Variants in CBLB observed in about 807,000 individuals in gnomAD.
CBLB encodes the protein Cbl proto-oncogene B, also known as E3 ubiquitin-protein ligase CBL-B.
Under a neutral mutation model 104.9 loss-of-function variants are expected in CBLB, and 31 were observed. The observed-to-expected ratio is 0.30, with a 90% CI of 0.22 to 0.40. The LOEUF is 0.40. Among genes scored for constraint, CBLB ranks in the 10% least tolerant of loss-of-function variants. CBLB has a pLI of 1.00. For missense variants in CBLB, 1,062 were observed against 1,214.6 expected (o/e 0.87, Z 1.87); for synonymous variants, 440 against 422.6 (o/e 1.04, Z -0.51).
At chr3:105,816,499 A>T (rs2085076611) in intron 3 of CBLB, among the ~76,000 whole-genome samples, 1 of 152,200 alleles carries the variant, frequency 6.6e-6, no homozygotes. Context: ...CATTAACAGA[A>T]CTCTCATAAA....
intron 9 of CBLB, among the ~76,000 whole-genome samples, chr3:105,728,472 G>T (rs888771787): frequency 6.6e-5 from 10 of 152,140 alleles, no homozygotes; most frequent in Non-Finnish European, 1.0e-4. Flanking sequence ...CCTGAAATAA[G>T]CACAGAATGA....
chr3:105,793,380 T>C (rs1022749889), intron 3 of CBLB, among the ~76,000 whole-genome samples: 12 of 151,060 alleles, frequency 7.9e-5, no homozygotes, highest in African/African-American at 2.9e-4. Context: ...TCTGAAAAGC[T>C]GGGATGCAGG....
chr3:105,811,029 A>G (rs1478263638), intron 3 of CBLB, among the ~76,000 whole-genome samples: 3 of 152,188 alleles, frequency 2.0e-5, no homozygotes, highest in African/African-American at 7.2e-5. Flanking sequence ...ACTAGAAGAA[A>G]AGCATTAGCA....
chr3:105,800,615 A>T (rs757952965), intron 3 of CBLB, among the ~76,000 whole-genome samples: 6 of 152,176 alleles, frequency 3.9e-5, no homozygotes, highest in Non-Finnish European at 5.9e-5. Flanking sequence ...GTCTGGTTAC[A>T]AGCAGGTTGT....
rs765424819 is a variant in CBLB, at chr3:105,720,066, C to A, written c.1388G>T (p.Arg463Leu). 3 of 1,613,810 alleles carry A rather than the reference C, an allele frequency of 1.9e-6. No individual in the cohort carries two copies. The Admixed American group carries it at 5.0e-5, about 27-fold the overall frequency. The change falls in exon 10 of 19, where the codon CGG (arginine) becomes CTG (leucine). Residue 463 changes from arginine to leucine, a missense_variant. Transcript: ENST00000394030. ...TTTTACCTTTCGGACGTTTGCCAAC[C>A]GATTCATCATCAAGGACTCCTCACG... ...DDREESLMMN[R>L]LANVRKCTDR...
chr3:105,731,375 C>T (rs1205602770), intron 9 of CBLB, among the ~76,000 whole-genome samples: 1 of 152,108 alleles, frequency 6.6e-6, no homozygotes, highest in Admixed American at 6.5e-5. Context: ...TTACCCTAGG[C>T]TAATTGATAG....
intron 2 of CBLB, among the ~76,000 whole-genome samples, chr3:105,854,381 C>G (rs961558441): frequency 1.3e-5 from 2 of 152,208 alleles, no homozygotes; most frequent in South Asian, 4.1e-4. Flanking sequence ...TCTACATGTT[C>G]ATGTGATTTA....
intron 3 of CBLB, among the ~76,000 whole-genome samples, chr3:105,853,040 C>T (rs1041673640): frequency 6.6e-6 from 1 of 152,080 alleles, no homozygotes; most frequent in East Asian, 1.9e-4. Context: ...TTTTACCATA[C>T]CTTTTCTATG....
chr3:105,731,092 A>C (rs1477282776), intron 9 of CBLB, among the ~76,000 whole-genome samples: 2 of 152,230 alleles, frequency 1.3e-5, no homozygotes, highest in Non-Finnish European at 2.9e-5. Context: ...GGAATTGATA[A>C]GCAACAAGCA....
At chr3:105,743,855 T>C (rs904995369) in intron 6 of CBLB, among the ~76,000 whole-genome samples, 1 of 152,036 alleles carries the variant, frequency 6.6e-6, no homozygotes, top group African/African-American at 2.4e-5. Flanking sequence ...ACTTTACACA[T>C]TATAATTTGT....
chr3:105,760,202 T>G (rs1049893788), intron 4 of CBLB, among the ~76,000 whole-genome samples: 1 of 152,220 alleles, frequency 6.6e-6, no homozygotes, highest in African/African-American at 2.4e-5. Flanking sequence ...ATAAAATTAT[T>G]TGTACATAAT....
At chr3:105,778,114 A>AGT (rs371751540) in intron 3 of CBLB, among the ~76,000 whole-genome samples, 17 of 150,808 alleles carry the variant, frequency 1.1e-4, no homozygotes, top group South Asian at 2.1e-4. Flanking sequence ...AGAGAGAGAG[A>AGT]GTGTGTGTGT....
chr3:105,861,720 C>T (rs544022156), intron 2 of CBLB, among the ~76,000 whole-genome samples: 1 of 151,510 alleles, frequency 6.6e-6, no homozygotes, highest in African/African-American at 2.4e-5. Flanking sequence ...CATACACACA[C>T]ACACACACAG....
intron 5 of CBLB, 95 bp downstream of exon 5, chr3:105,751,367 T>C: frequency 1.1e-5 from 9 of 824,738 alleles, no homozygotes; most frequent in Non-Finnish European, 1.9e-5. Context: ...TTTATGTGTG[T>C]GTGTGTGAGA....
intron 16 of CBLB, 34 bp downstream of exon 16, chr3:105,681,445 G>C: frequency 1.2e-6 from 2 of 1,604,026 alleles, no homozygotes; most frequent in Non-Finnish European, 1.7e-6. Flanking sequence ...AGAAGGAGGG[G>C]TGGGTTGTTC....
intron 3 of CBLB, among the ~76,000 whole-genome samples, chr3:105,821,372 T>C (rs916952981): frequency 8.5e-5 from 13 of 152,224 alleles, no homozygotes; most frequent in African/African-American, 3.1e-4. Flanking sequence ...GGCTTACACA[T>C]TCACCTTCCT....
rs182104346 is a variant in CBLB at position 105,684,397 on chromosome 3, C to A, written c.2201+923G>T. Among the ~76,000 whole-genome samples, 1,161 of 152,198 alleles carry A rather than the reference C, an allele frequency of 7.6e-3. 17 individuals are homozygous for A. Among genetic ancestry groups the A allele is most frequent in the Middle Eastern group, 0.017 (5 of 294 alleles). ...TCAATAATATAAATGCAGACTCATGCCTTTACTTAAAGATAAAGTAATATT... is the reference window on the plus strand; with the variant it reads ...TCAATAATATAAATGCAGACTCATGACTTTACTTAAAGATAAAGTAATATT... On this transcript the variant is annotated intron_variant, in intron 14 of 18. Coordinates refer to ENST00000394030, the MANE Select transcript of CBLB (RefSeq NM_170662.5).
intron 3 of CBLB, among the ~76,000 whole-genome samples, chr3:105,836,059 G>C (rs2153086393): frequency 6.6e-6 from 1 of 152,282 alleles, no homozygotes; most frequent in East Asian, 1.9e-4. Context: ...AACACTGCTT[G>C]CCTTTTGTGC....
At chr3:105,666,557 A>T (rs1391164152) in intron 18 of CBLB, among the ~76,000 whole-genome samples, 1 of 151,984 alleles carries the variant, frequency 6.6e-6, no homozygotes, top group Non-Finnish European at 1.5e-5. Flanking sequence ...ATGATGGTGG[A>T]TGCCTGTAAT....
Sources: allele counts gnomAD v4.1 joint callset (sites outside exome capture counted in the v4.1 genomes callset), GRCh38; gene constraint gnomAD v4.1.1; transcripts MANE v1.5; gene names NCBI Gene and HGNC (gene_info 2026-07-23, HGNC 2026-07-21).